Variants in PIEZO2 observed in about 807,000 individuals in gnomAD.
PIEZO2 encodes piezo type mechanosensitive ion channel component 2.
Under a neutral mutation model 337.3 loss-of-function variants are expected in PIEZO2, and 172 were observed. That is an observed-to-expected ratio of 0.51 (90% CI 0.45 to 0.58). PIEZO2 has a LOEUF of 0.58. Ranked by LOEUF, PIEZO2 falls within the 20% of genes least tolerant of loss-of-function variation. The probability of loss-of-function intolerance (pLI) is 0.00; values close to 1 mark genes in which losing one functional copy is unlikely to be tolerated. For missense variants in PIEZO2, 3,028 were observed against 3,391.3 expected (o/e 0.89, Z 2.66); for synonymous variants, 1,251 against 1,228.5 (o/e 1.02, Z -0.38).
At chr18:11,134,975 T>G (rs1380703870) in intron 1 of PIEZO2, among the ~76,000 whole-genome samples, 1 of 151,502 alleles carries the variant, frequency 6.6e-6, no homozygotes, top group Non-Finnish European at 1.5e-5. Flanking sequence ...CCCTCTAATA[T>G]TGACCCCCCA....
intron 2 of PIEZO2, among the ~76,000 whole-genome samples, chr18:11,023,823 C>G (rs551005055): frequency 4.6e-5 from 7 of 152,214 alleles, no homozygotes; most frequent in Admixed American, 2.0e-4. Flanking sequence ...GGCGAGAATT[C>G]GAGCGCAGCG....
intron 2 of PIEZO2, among the ~76,000 whole-genome samples, chr18:11,022,622 T>G (rs1043388565): frequency 1.2e-4 from 18 of 152,228 alleles, no homozygotes; most frequent in African/African-American, 4.3e-4. Context: ...GCTTATGGCT[T>G]CAGGTAACCT....
intron 5 of PIEZO2, among the ~76,000 whole-genome samples, chr18:10,865,860 C>T (rs759828989): frequency 6.6e-6 from 1 of 152,048 alleles, no homozygotes; most frequent in South Asian, 2.1e-4. Flanking sequence ...TACTCTACCC[C>T]CCAAGAAAGG....
rs1223337306 is a variant in PIEZO2, at chr18:10,855,284, T to C, written c.917+69A>G. 1.5e-6 allele frequency: 2 copies of C among 1,363,546 alleles called. No individual in the cohort carries two copies. Among genetic ancestry groups the C allele is most frequent in the Middle Eastern group, 3.9e-4 (2 of 5,182 alleles). 84.5% of individuals were successfully genotyped at this position (1,363,546 alleles called of 1,614,324 possible). A position where few individuals can be genotyped will look rare whatever the true frequency, so the allele number is the denominator to read the frequency against. ...AAGAATAACCCCTGTAAATTCACAA[T>C]GCCAAACCAAGGTCCCAAAGGCGTG... On this transcript the variant is annotated intron_variant, in intron 7 of 55. Coordinates refer to ENST00000674853, the MANE Select transcript of PIEZO2 (RefSeq NM_001378183.1). This position sits in a 1 kb window ranked among gnomAD's most constrained non-coding sequence, Gnocchi z 4.9.
chr18:10,838,735 C>A (rs2041098105), intron 7 of PIEZO2, among the ~76,000 whole-genome samples: 1 of 152,128 alleles, frequency 6.6e-6, no homozygotes, highest in South Asian at 2.1e-4. Context: ...AATTTATGGC[C>A]TCTTTCCCAT....
At chr18:10,831,083 C>G (rs2040829369) in intron 7 of PIEZO2, among the ~76,000 whole-genome samples, 1 of 152,082 alleles carries the variant, frequency 6.6e-6, no homozygotes, top group Admixed American at 6.5e-5. Flanking sequence ...GTGGGAATGT[C>G]AATTAGCACA....
At chr18:10,996,243 T>C (rs1281689039) in intron 2 of PIEZO2, among the ~76,000 whole-genome samples, 2 of 152,232 alleles carry the variant, frequency 1.3e-5, no homozygotes, top group African/African-American at 2.4e-5. Context: ...AGAGACATTT[T>C]CTTAAGATCA....
At chr18:10,800,906 C>A (rs1319103205) in intron 10 of PIEZO2, among the ~76,000 whole-genome samples, 2 of 152,234 alleles carry the variant, frequency 1.3e-5, no homozygotes, top group East Asian at 1.9e-4. Flanking sequence ...CCTGCCTATG[C>A]CCTATGTGGC....
At chr18:11,055,986 G>A (rs2625376) in intron 2 of PIEZO2, among the ~76,000 whole-genome samples, 106,196 of 152,148 alleles carry the variant, frequency 0.7, 37,974 homozygotes, top group East Asian at 0.99. Flanking sequence ...CCCCAGCAAT[G>A]GAGGCTGAGA....
At chr18:11,093,602 T>C (rs1029534561) in intron 1 of PIEZO2, among the ~76,000 whole-genome samples, 14 of 99,390 alleles carry the variant, frequency 1.4e-4, no homozygotes, top group South Asian at 7.5e-4. Flanking sequence ...TTTTTTTTTT[T>C]CTGAGACGGA....
rs539764925 is a variant in PIEZO2 at position 10,684,314 on chromosome 18, C to A, written c.7498-2022G>T. Among the ~76,000 whole-genome samples, 6 of 112,804 alleles carry A rather than the reference C, an allele frequency of 5.3e-5. 1 individual carries two copies. In the East Asian group the frequency reaches 1.6e-3, roughly 30 times the overall value. The allele number at this position is 112,804 out of a possible 152,430, so 74.0% of individuals were successfully genotyped here. Reference sequence around the variant, plus strand: ...CCAAGTAGCTGGGACTACAGGTGCCCGCCACCATGCCTGGCTAATTTTTTG... The same window carrying A: ...CCAAGTAGCTGGGACTACAGGTGCCAGCCACCATGCCTGGCTAATTTTTTG... On this transcript the variant is annotated intron_variant, in intron 49 of 55. Transcript: ENST00000674853.
chr18:10,916,461 G>A (rs1017607211), intron 3 of PIEZO2, among the ~76,000 whole-genome samples: 49 of 152,262 alleles, frequency 3.2e-4, no homozygotes, highest in African/African-American at 1.1e-3. Flanking sequence ...GTGAGAATTT[G>A]AGCATGGCGC....
chr18:10,937,318 C>T (rs992564194), intron 3 of PIEZO2, among the ~76,000 whole-genome samples: 5 of 152,102 alleles, frequency 3.3e-5, no homozygotes, highest in Non-Finnish European at 7.3e-5. Context: ...TGAGGTTGGC[C>T]TCTTAACTGG....
intron 5 of PIEZO2, among the ~76,000 whole-genome samples, chr18:10,858,120 G>C (rs1234688025): frequency 6.7e-6 from 1 of 150,028 alleles, no homozygotes; most frequent in Non-Finnish European, 1.5e-5. Context: ...AAGAGATCAA[G>C]ACCATCCTGG....
rs1431853232 is a variant in PIEZO2 at position 11,094,999 on chromosome 18, G to A, written c.65-28777C>T. Reference sequence around the variant, plus strand: ...TGCCATTGAAACTATGCCACCAAGTGTGGGGGTGGAAGGAGCCTGCTGCAG... The same window carrying A: ...TGCCATTGAAACTATGCCACCAAGTATGGGGGTGGAAGGAGCCTGCTGCAG... On this transcript the variant is annotated intron_variant, in intron 1 of 55. Transcript: ENST00000674853. The surrounding 1 kb of genome is among the most constrained non-coding windows in gnomAD (Gnocchi z 4.4). Among the ~76,000 whole-genome samples, 2 of 152,226 alleles carry A rather than the reference G, an allele frequency of 1.3e-5. No individual in the cohort carries two copies. Among genetic ancestry groups the A allele is most frequent in the East Asian group, 1.9e-4 (1 of 5,182 alleles).
chr18:10,835,389 C>T (rs1328455633), intron 7 of PIEZO2, among the ~76,000 whole-genome samples: 1 of 150,898 alleles, frequency 6.6e-6, no homozygotes, highest in Non-Finnish European at 1.5e-5. Context: ...AAATACAAAA[C>T]AGATCTTTCT....
At chr18:11,079,186 G>T (rs143570179) in intron 1 of PIEZO2, among the ~76,000 whole-genome samples, 4 of 152,188 alleles carry the variant, frequency 2.6e-5, no homozygotes, top group Admixed American at 6.5e-5. Flanking sequence ...CTGGCCCATC[G>T]TTCCACCATA....
intron 7 of PIEZO2, 69 bp from the exon 8 acceptor site, chr18:10,807,343 T>C (rs1598509683): frequency 7.1e-7 from 1 of 1,411,184 alleles, no homozygotes; most frequent in Non-Finnish European, 9.5e-7. Flanking sequence ...TGAATAAAAG[T>C]ACTTTGTTTT....
intron 4 of PIEZO2, among the ~76,000 whole-genome samples, chr18:10,885,372 C>T (rs1008674852): frequency 1.3e-5 from 2 of 151,942 alleles, no homozygotes; most frequent in Admixed American, 6.6e-5. Flanking sequence ...TGCAGTGAGC[C>T]GAGATTGAGC....
Sources: gnomAD v4.1 joint callset for allele counts (sites outside exome capture counted in the v4.1 genomes callset) on GRCh38, gnomAD v4.1.1 for gene constraint, Gnocchi (gnomAD v3.1) non-coding constraint, MANE v1.5 for transcripts, NCBI Gene and HGNC (gene_info 2026-07-23, HGNC 2026-07-21) for gene names.